Variants in ABCA6 observed in about 807,000 individuals in gnomAD.
ABCA6 encodes ATP-binding cassette sub-family A member 6.
In ABCA6, 164 loss-of-function variants were observed where a neutral mutation model predicts 191.2. The ratio of observed to expected loss-of-function variants is 0.86; its 90% CI spans 0.76 to 0.98. The LOEUF (loss-of-function observed/expected upper bound fraction) is 0.98. ABCA6 is among the 50% of genes least tolerant of loss of function. The pLI is 0.00. For missense variants in ABCA6, 1,958 were observed against 1,894.1 expected (o/e 1.03, Z -0.63); for synonymous variants, 636 against 647.7 (o/e 0.98, Z 0.27).
chr17:69,134,603 A>G (rs2073919262), intron 5 of ABCA6, 36 bp downstream of exon 5: 4 of 1,473,736 alleles, frequency 2.7e-6, no homozygotes, highest in Non-Finnish European at 3.8e-6. Context: ...GAAGTAGCTG[A>G]CATTAATTAG....
chr17:69,099,146 A>G (rs2073119356), intron 22 of ABCA6, among the ~76,000 whole-genome samples: 1 of 152,062 alleles, frequency 6.6e-6, no homozygotes, highest in Admixed American at 6.5e-5. Flanking sequence ...GGAACTTTAA[A>G]TCACTACCCC....
intron 20 of ABCA6, 54 bp downstream of exon 20, chr17:69,105,408 A>T: frequency 6.7e-7 from 1 of 1,484,044 alleles, no homozygotes; most frequent in East Asian, 2.5e-5. Context: ...CTCCTGTGCT[A>T]TTCAACAATA....
intron 4 of ABCA6, 144 bp from the exon 5 acceptor site, chr17:69,134,886 G>GTATTTTTTTTTT (rs1454692425): frequency 1.0e-4 from 13 of 127,042 alleles, no homozygotes; most frequent in Admixed American, 2.1e-4. Flanking sequence ...TGTTGTGGTT[G>GTATTTTTTTTTT]TCTTTTTTTT....
intron 7 of ABCA6, 87 bp downstream of exon 7, chr17:69,129,523 A>G: frequency 8.8e-7 from 1 of 1,136,264 alleles, no homozygotes; most frequent in Admixed American, 2.3e-5. Context: ...GAAAGTAGTG[A>G]TTGCAGTAAC....
chr17:69,087,831 C>T (rs956089219), intron 28 of ABCA6, among the ~76,000 whole-genome samples: 3 of 152,244 alleles, frequency 2.0e-5, no homozygotes, highest in African/African-American at 7.2e-5. Context: ...ACCCTTTCTA[C>T]AGCCCTCCAT....
At chr17:69,124,773 T>C (rs1030449812) in intron 9 of ABCA6, 115 bp downstream of exon 9, 1 of 551,178 alleles carries the variant, frequency 1.8e-6, no homozygotes, top group Middle Eastern at 5.2e-4. Context: ...AATGAACTTA[T>C]TAGTTTGAAA....
intron 20 of ABCA6, 42 bp from the exon 21 acceptor site, chr17:69,103,010 A>G (rs767034294): frequency 6.4e-5 from 80 of 1,243,856 alleles, no homozygotes; most frequent in Non-Finnish European, 8.7e-5. Context: ...AAAAGTAAGA[A>G]AATACATATC....
Position 69,086,708 on chromosome 17 carries a change from G to A in ABCA6, c.3847C>T (p.His1283Tyr), listed in dbSNP as rs1413490410. The part of the protein sequence containing the change: ...EKPVIIASCL[H>Y]KEYAGQKKSC... ...TTCTTCTGGCCTGCATATTCTTTGT[G>A]TAGACAGCTGGCAATTATAACAGGT... The change falls in exon 30 of 39, where the codon CAC (histidine) becomes TAC (tyrosine). Residue 1283 changes from histidine to tyrosine, a missense_variant. By Grantham distance (83) the His-to-Tyr change is moderately conservative. Transcript: ENST00000284425. The A allele has an allele frequency of 1.2e-6, 2 of 1,611,634 alleles. No individual in the cohort carries two copies. The highest frequency in any genetic ancestry group is 1.7e-6 in the Non-Finnish European group (2 of 1,178,860).
Position 69,113,248 on chromosome 17 carries a change from GACTGGGT to G in ABCA6, c.2008_2014del (p.Thr670ProfsTer13), listed in dbSNP as rs1274743474. 6.2e-7 allele frequency: 1 copy of G among 1,605,334 alleles called. No homozygotes were observed. The highest frequency in any genetic ancestry group is 8.5e-7 in the Non-Finnish European group (1 of 1,177,206). ...AGCCAGGATGTCAGCCTCATCCATG[GACTGGGT>G]ACTGAAAAGGATCACATGATCTGCT... On this transcript the variant is annotated frameshift_variant, in exon 15 of 39. Transcript: ENST00000284425. LOFTEE classifies it high-confidence loss of function.
chr17:69,086,062 T>A (rs1292244196), intron 30 of ABCA6, among the ~76,000 whole-genome samples: 1 of 152,186 alleles, frequency 6.6e-6, no homozygotes, highest in Non-Finnish European at 1.5e-5. Flanking sequence ...GATATTTTCT[T>A]CATCCCAAAT....
intron 21 of ABCA6, among the ~76,000 whole-genome samples, chr17:69,102,101 T>C (rs2073194358): frequency 6.6e-6 from 1 of 152,124 alleles, no homozygotes; most frequent in African/African-American, 2.4e-5. Flanking sequence ...ATCCCAGCAT[T>C]TTGGGAGGCC....
Position 69,097,957 on chromosome 17 carries a change from G to T in ABCA6, c.3083C>A (p.Ser1028Tyr). 3 of 1,610,958 alleles carry T rather than the reference G, an allele frequency of 1.9e-6. No homozygotes were observed. In the South Asian group the frequency reaches 3.3e-5, roughly 18 times the overall value. The change falls in exon 23 of 39, where the codon TCT (serine) becomes TAT (tyrosine). Residue 1028 changes from serine (S) to tyrosine (Y), a missense_variant. By Grantham distance (144) the Ser-to-Tyr change is moderately radical. Transcript: ENST00000284425. ...GATGCTGCCCATGGTGATATAAGGA[G>T]AAATGCTACATAGAACCAAAAATAA... ...FFLFLVLCSI[S>Y]PYITMGSISD...
intron 9 of ABCA6, among the ~76,000 whole-genome samples, chr17:69,124,426 A>C (rs2077241874): frequency 6.6e-6 from 1 of 151,992 alleles, no homozygotes; most frequent in Non-Finnish European, 1.5e-5. Flanking sequence ...CGATCAATAT[A>C]CTTCTGTAAA....
At chr17:69,119,415 A>G (rs960087324) in intron 10 of ABCA6, among the ~76,000 whole-genome samples, 3 of 152,076 alleles carry the variant, frequency 2.0e-5, no homozygotes, top group Admixed American at 2.0e-4. Context: ...TAAGTCTTCA[A>G]CTATTCTTCT....
chr17:69,096,943 T>C, intron 23 of ABCA6, 142 bp from the exon 24 acceptor site: 1 of 646,078 alleles, frequency 1.5e-6, no homozygotes, highest in South Asian at 3.4e-5. Context: ...ATGCATATAC[T>C]GCTTAGTAAC....
intron 11 of ABCA6, among the ~76,000 whole-genome samples, chr17:69,116,426 G>A (rs1392791615): frequency 1.3e-5 from 2 of 152,038 alleles, no homozygotes; most frequent in East Asian, 1.9e-4. Context: ...TTGCTTGTGG[G>A]AGTATGACTT....
In ABCA6 at chr17:69,106,103, C is replaced by G. The variant is rs776624405; in HGVS notation, c.2498G>C (p.Trp833Ser). Residue 833 changes from tryptophan (W) to serine (S), a missense_variant, in exon 19 of 39, where the codon TGG becomes TCG. By Grantham distance (177) the Trp-to-Ser change is radical. Transcript: ENST00000284425. ...MQTAVSDMGL[W>S]RMQVFAMARL... is the part of the protein sequence containing the mutation. ...TGCCATGGCAAAGACTTGCATTCTCCAGAGGCCCATGTCACTCACAGCTGT... is the reference window on the plus strand; with the variant it reads ...TGCCATGGCAAAGACTTGCATTCTCGAGAGGCCCATGTCACTCACAGCTGT... 12 of 1,613,750 alleles carry G rather than the reference C, an allele frequency of 7.4e-6. No homozygotes were observed. Among genetic ancestry groups the G allele is most frequent in the Non-Finnish European group, 9.3e-6 (11 of 1,179,864 alleles).
intron 21 of ABCA6, among the ~76,000 whole-genome samples, chr17:69,102,353 T>C (rs1054357717): frequency 3.9e-5 from 6 of 152,140 alleles, no homozygotes; most frequent in African/African-American, 1.4e-4. Flanking sequence ...AAAAAAAGTA[T>C]TTTCAATAGT....
At chr17:69,125,160 T>C in intron 8 of ABCA6, 125 bp from the exon 9 acceptor site, 1 of 381,588 alleles carries the variant, frequency 2.6e-6, no homozygotes, top group Non-Finnish European at 4.6e-6. Context: ...TAGTCAAATA[T>C]ATAAATAAGT....
Sources: gnomAD v4.1 joint callset for allele counts (sites outside exome capture counted in the v4.1 genomes callset) on GRCh38, gnomAD v4.1.1 for gene constraint, MANE v1.5 for transcripts, NCBI Gene and HGNC (gene_info 2026-07-23, HGNC 2026-07-21) for gene names.